NLK: variants seen among roughly 807,000 people sequenced by gnomAD.
NLK encodes nemo like kinase.
Under a neutral mutation model 59.0 loss-of-function variants are expected in NLK, and 11 were observed. The observed-to-expected ratio is 0.19, with a 90% CI of 0.12 to 0.31. The LOEUF (loss-of-function observed/expected upper bound fraction) is 0.31. NLK is among the 10% of genes least tolerant of loss of function. The pLI is 1.00. For synonymous variants in NLK, 235 were observed against 235.9 expected (o/e 1.00, Z 0.03); for missense variants, 410 against 661.1 (o/e 0.62, Z 4.16).
At chr17:28,047,951 T>C in intron 1 of NLK, 1 of 398,428 alleles carries the variant, frequency 2.5e-6, no homozygotes, top group Admixed American at 4.4e-5. Context: ...GTTTCTCCAC[T>C]ATCAGCCGAG....
chr17:28,180,605 C>T (rs1340903886), intron 7 of NLK, among the ~76,000 whole-genome samples: 1 of 152,142 alleles, frequency 6.6e-6, no homozygotes, highest in African/African-American at 2.4e-5. Context: ...AGTACTTCTT[C>T]CAGTGTTCCC....
chr17:28,044,559 T>TG (rs1423981078), intron 1 of NLK, among the ~76,000 whole-genome samples: 1 of 152,180 alleles, frequency 6.6e-6, no homozygotes, highest in Non-Finnish European at 1.5e-5. Flanking sequence ...TGCTGCAGCG[T>TG]GGTCCTTTCT....
chr17:28,050,529 G>A (rs754836959), intron 1 of NLK, among the ~76,000 whole-genome samples: 38 of 152,146 alleles, frequency 2.5e-4, no homozygotes, highest in Non-Finnish European at 4.9e-4. Context: ...CTCCGTAGGC[G>A]GGCAATGATG....
At chr17:28,187,498 C>T (rs983528227) in intron 8 of NLK, among the ~76,000 whole-genome samples, 3 of 152,166 alleles carry the variant, frequency 2.0e-5, no homozygotes, top group African/African-American at 7.2e-5. Context: ...GATGGGGTTT[C>T]ACCATGTTGG....
At position 28,132,656 on chromosome 17, in the gene NLK, A is replaced by G. The variant is rs764749916; in HGVS notation, c.625A>G (p.Ile209Val). Reference protein sequence around the residue: ...SALDILQPPHIDYFEEIYVVT... With the variant: ...SALDILQPPHVDYFEEIYVVT... ...CCTTGACATACTCCAACCTCCACAC[A>G]TTGACTATTTTGAAGAAATGTATCC... The change falls in exon 3 of 11, where the codon ATT becomes GTT. Residue 209 changes from isoleucine to valine, a missense_variant. Transcript: ENST00000407008. 1.9e-6 allele frequency: 3 copies of G among 1,610,620 alleles called. No homozygotes were observed. The highest frequency in any genetic ancestry group is 2.2e-5 in the South Asian group (2 of 90,284).
chr17:28,146,452 G>T (rs1907259105), intron 3 of NLK, among the ~76,000 whole-genome samples: 1 of 152,044 alleles, frequency 6.6e-6, no homozygotes. Context: ...ATCGTTTTCT[G>T]TGTGCCAGGC....
chr17:28,203,323 G>A, the NLK span, among the ~76,000 whole-genome samples: 1 of 151,960 alleles, frequency 6.6e-6, no homozygotes, highest in Non-Finnish European at 1.5e-5. Flanking sequence ...CTCAATCAGA[G>A]GGGGAAAGAT....
intron 1 of NLK, among the ~76,000 whole-genome samples, chr17:28,053,079 C>T (rs1288154706): frequency 2.0e-5 from 3 of 152,040 alleles, no homozygotes; most frequent in East Asian, 3.9e-4. Flanking sequence ...CCTGGCCTCT[C>T]TTTGGCTTTT....
downstream of NLK, among the ~76,000 whole-genome samples, chr17:28,200,770 C>A (rs1223707785): frequency 6.6e-6 from 1 of 152,240 alleles, no homozygotes; most frequent in Admixed American, 6.5e-5. Flanking sequence ...AGGCAAGCCA[C>A]CACGCCCGGC....
chr17:28,151,743 T>C (rs771079173), intron 3 of NLK, among the ~76,000 whole-genome samples: 1 of 152,152 alleles, frequency 6.6e-6, no homozygotes, highest in Non-Finnish European at 1.5e-5. Context: ...AGCAGAGATA[T>C]AAAAGTAGCA....
At chr17:28,120,456 C>T (rs957873418) in intron 1 of NLK, among the ~76,000 whole-genome samples, 1 of 151,992 alleles carries the variant, frequency 6.6e-6, no homozygotes, top group Non-Finnish European at 1.5e-5. Context: ...GGTCTCCTGG[C>T]CTACTTGAGT....
At chr17:28,199,665 C>CAAAAAAA (rs1303411168), downstream of NLK, among the ~76,000 whole-genome samples, 31 of 33,466 alleles carry the variant, frequency 9.3e-4, no homozygotes, top group South Asian at 1.5e-3. Flanking sequence ...GACTCTGTCT[C>CAAAAAAA]AAAAAAAAAA....
At chr17:28,071,273 C>G (rs1395318263) in intron 1 of NLK, among the ~76,000 whole-genome samples, 1 of 152,182 alleles carries the variant, frequency 6.6e-6, no homozygotes, top group African/African-American at 2.4e-5. Flanking sequence ...TTTGGCTACT[C>G]TAGAAGCTTT....
Position 28,118,389 on chromosome 17 carries a change from G to A in NLK, c.459-4214G>A, listed in dbSNP as rs148352837. On this transcript the variant is annotated intron_variant, in intron 1 of 10. Transcript: ENST00000407008. Reference sequence around the variant, plus strand: ...TTATATTATGTATTTGCTTTGAATAGCTAAAAACATGTATCAGAAACATGA... The same window carrying A: ...TTATATTATGTATTTGCTTTGAATAACTAAAAACATGTATCAGAAACATGA... Among the ~76,000 whole-genome samples, 31 of 152,236 alleles carry A rather than the reference G, an allele frequency of 2.0e-4. No homozygotes were observed. In the East Asian group the frequency reaches 5.4e-3, roughly 27 times the overall value.
chr17:28,053,371 TTTTTCC>T (rs1413868868), intron 1 of NLK, among the ~76,000 whole-genome samples: 1 of 152,212 alleles, frequency 6.6e-6, no homozygotes, highest in Non-Finnish European at 1.5e-5. Context: ...TTTGGAGGCA[TTTTTCC>T]TTTTCTTTTC....
chr17:28,149,203 C>T (rs954658005), intron 3 of NLK, among the ~76,000 whole-genome samples: 1 of 152,136 alleles, frequency 6.6e-6, no homozygotes, highest in Non-Finnish European at 1.5e-5. Context: ...GCTGGGAATA[C>T]AGGTGCGCAC....
intron 5 of NLK, among the ~76,000 whole-genome samples, chr17:28,167,586 A>G (rs1018682231): frequency 1.3e-5 from 2 of 151,800 alleles, no homozygotes; most frequent in African/African-American, 4.8e-5. Flanking sequence ...GCAGTAGCTC[A>G]CGCCTGTTAT....
At chr17:28,197,484 A>C (rs140308281), downstream of NLK, among the ~76,000 whole-genome samples, 339 of 151,538 alleles carry the variant, frequency 2.2e-3, no homozygotes, top group Non-Finnish European at 4.0e-3. Context: ...AAAAAAAAAA[A>C]CAGAAACTAA....
chr17:28,050,509 C>T (rs1909213375), intron 1 of NLK, among the ~76,000 whole-genome samples: 1 of 152,108 alleles, frequency 6.6e-6, no homozygotes, highest in Non-Finnish European at 1.5e-5. Flanking sequence ...AGGAAAATAG[C>T]CTAAAAAGGC....
Sources: gnomAD v4.1 joint callset for allele counts (sites outside exome capture counted in the v4.1 genomes callset) on GRCh38, gnomAD v4.1.1 for gene constraint, MANE v1.5 for transcripts, NCBI Gene and HGNC (gene_info 2026-07-23, HGNC 2026-07-21) for gene names.